Variants in BLTP1 observed in about 807,000 individuals in gnomAD.
BLTP1 encodes bridge-like lipid transfer protein family member 1.
the BLTP1 span, chr4:122,249,832 G>A: frequency 1.4e-6 from 2 of 1,398,500 alleles, no homozygotes; most frequent in South Asian, 1.6e-5. Flanking sequence ...GGGGGTGAGT[G>A]CCTCATACCA....
At chr4:122,170,082 G>A in the BLTP1 span, 8 of 700,872 alleles carry the variant, frequency 1.1e-5, no homozygotes, top group South Asian at 6.5e-5. Context: ...CGAGGCAGGC[G>A]GATCACCTGA....
chr4:122,267,139 A>G, the BLTP1 span, among the ~76,000 whole-genome samples: 1 of 135,094 alleles, frequency 7.4e-6, no homozygotes, highest in African/African-American at 2.9e-5. Flanking sequence ...GCTTACTGCA[A>G]GCTCCACCTC....
At chr4:122,294,800 G>T in the BLTP1 span, among the ~76,000 whole-genome samples, 5 of 152,160 alleles carry the variant, frequency 3.3e-5, no homozygotes, top group African/African-American at 1.2e-4. Context: ...TTCAGAAGGT[G>T]GGTAATAATA....
the BLTP1 span, chr4:122,298,300 C>G: frequency 1.4e-6 from 1 of 703,580 alleles, no homozygotes; most frequent in South Asian, 6.3e-5. Context: ...ATAACCTGCA[C>G]CATGCTCTTG....
At chr4:122,291,728 T>C in the BLTP1 span, 21 of 979,608 alleles carry the variant, frequency 2.1e-5, no homozygotes, top group Non-Finnish European at 2.4e-5. Context: ...ATCTTAGAAT[T>C]GGGCCAGGTA....
chr4:122,247,959 T>C, the BLTP1 span: 4 of 985,068 alleles, frequency 4.1e-6, no homozygotes, highest in African/African-American at 7.0e-5. Flanking sequence ...CTAATCGTAT[T>C]TGAGATGATT....
At chr4:122,185,069 G>T in the BLTP1 span, 3 of 985,304 alleles carry the variant, frequency 3.0e-6, no homozygotes, top group Non-Finnish European at 3.6e-6. Context: ...TGAAGTAATA[G>T]TGAAATCTAA....
At chr4:122,349,609 A>G in the BLTP1 span, 1 of 1,608,484 alleles carries the variant, frequency 6.2e-7, no homozygotes. This position sits in a 1 kb window ranked among gnomAD's most constrained non-coding sequence, Gnocchi z 4.5. Flanking sequence ...GTAAACTTGT[A>G]TAATACATTG....
chr4:122,208,788 T>C, the BLTP1 span: 2 of 502,554 alleles, frequency 4.0e-6, no homozygotes, highest in Non-Finnish European at 5.1e-6. Context: ...ACTCGTGTAA[T>C]CCCAGCACTT....
the BLTP1 span, chr4:122,272,332 T>G: frequency 1.2e-6 from 2 of 1,613,240 alleles, no homozygotes; most frequent in East Asian, 2.2e-5. Flanking sequence ...TAGAGGCAGA[T>G]ATTGGTGGAC....
At chr4:122,287,601 A>G in the BLTP1 span, 1 of 985,084 alleles carries the variant, frequency 1.0e-6, no homozygotes, top group Non-Finnish European at 1.2e-6. Context: ...GCAATGTGCT[A>G]TTTGTTTTAT....
chr4:122,238,312 G>A, the BLTP1 span: 3 of 1,614,020 alleles, frequency 1.9e-6, no homozygotes, highest in African/African-American at 4.0e-5. Context: ...TTCAAAAAGA[G>A]TTCTTGCATG....
chr4:122,211,366 CAG>C, the BLTP1 span, among the ~76,000 whole-genome samples: 4 of 150,590 alleles, frequency 2.7e-5, no homozygotes. Flanking sequence ...CATCTGTTCT[CAG>C]GGAGGTAAGC....
chr4:122,195,595 C>A, the BLTP1 span: 1 of 197,166 alleles, frequency 5.1e-6, no homozygotes, highest in Non-Finnish European at 9.2e-6. Context: ...AGTGAAGCTA[C>A]AGCATGAAGT....
chr4:122,315,021 CTCTT>C, the BLTP1 span, among the ~76,000 whole-genome samples: 1 of 152,086 alleles, frequency 6.6e-6, no homozygotes, highest in African/African-American at 2.4e-5. Flanking sequence ...AACTTGTAAC[CTCTT>C]TCTTATACAT....
chr4:122,171,869 AG>A, the BLTP1 span: 2 of 984,930 alleles, frequency 2.0e-6, no homozygotes, highest in Non-Finnish European at 1.2e-6. Context: ...CTATGAGCAT[AG>A]GGGGGCGTGA....
At chr4:122,359,558 C>T in the BLTP1 span, 1 of 1,608,180 alleles carries the variant, frequency 6.2e-7, no homozygotes, top group Non-Finnish European at 8.5e-7. Flanking sequence ...TCCTTATAGC[C>T]ATCTTTCCAC....
the BLTP1 span, chr4:122,236,830 A>G: frequency 3.0e-6 from 3 of 985,382 alleles, 1 homozygote; most frequent in Non-Finnish European, 3.6e-6. Context: ...AGTGAGTTGT[A>G]ATTGCCGAAT....
At chr4:122,176,243 C>A in the BLTP1 span, among the ~76,000 whole-genome samples, 8 of 151,564 alleles carry the variant, frequency 5.3e-5, no homozygotes, top group African/African-American at 1.5e-4. Flanking sequence ...GCGGAGGTTG[C>A]AGTGAGCCAA....
Sources: gnomAD v4.1 joint callset for allele counts (sites outside exome capture counted in the v4.1 genomes callset) on GRCh38, gnomAD v4.1.1 for gene constraint, Gnocchi (gnomAD v3.1) non-coding constraint, MANE v1.5 for transcripts, NCBI Gene and HGNC (gene_info 2026-07-23, HGNC 2026-07-21) for gene names.